Variants in CPEB3 observed in about 807,000 individuals in gnomAD.
CPEB3 encodes the protein cytoplasmic polyadenylation element binding protein 3, also known as cytoplasmic polyadenylation element-binding protein 3.
In CPEB3, 20 loss-of-function variants were observed where a neutral mutation model predicts 67.2. That is an observed-to-expected ratio of 0.30 (90% CI 0.21 to 0.43). The LOEUF is 0.43. Ranked by LOEUF, CPEB3 falls within the 20% of genes least tolerant of loss-of-function variation. The pLI, the probability that CPEB3 is intolerant of heterozygous loss-of-function variation, is 1.00. For missense variants in CPEB3, 746 were observed against 968.6 expected, an observed-to-expected ratio of 0.77 and a Z score of 3.05; for synonymous variants, 376 against 393.1, an observed-to-expected ratio of 0.96 and a Z score of 0.51.
At chr10:92,242,163 C>A (rs574355148) in intron 1 of CPEB3, among the ~76,000 whole-genome samples, 2 of 152,268 alleles carry the variant, frequency 1.3e-5, no homozygotes, top group African/African-American at 2.4e-5. Flanking sequence ...AAGTTTCATA[C>A]ACAAAATAGT....
chr10:92,128,296 T>TA (rs1554893005), intron 6 of CPEB3, among the ~76,000 whole-genome samples: 1 of 152,146 alleles, frequency 6.6e-6, no homozygotes, highest in Non-Finnish European at 1.5e-5. Flanking sequence ...ACACATACAG[T>TA]ATAGTAACAC....
At chr10:92,213,051 T>TAC (rs1850173507) in intron 2 of CPEB3, among the ~76,000 whole-genome samples, 1 of 152,224 alleles carries the variant, frequency 6.6e-6, no homozygotes, top group South Asian at 2.1e-4. Context: ...TAACTCTGCT[T>TAC]AAATTCCTGC....
At chr10:92,284,928 C>A (rs922162348) in intron 1 of CPEB3, among the ~76,000 whole-genome samples, 1 of 152,156 alleles carries the variant, frequency 6.6e-6, no homozygotes, top group Non-Finnish European at 1.5e-5. Flanking sequence ...CCATTTTATG[C>A]TTCTATAACA....
chr10:92,190,665 C>CAAAAAAAAAAAAAAAAAA (rs780757034), intron 3 of CPEB3, among the ~76,000 whole-genome samples: 1 of 78,394 alleles, frequency 1.3e-5, no homozygotes, highest in African/African-American at 5.2e-5. Context: ...AACTCCATCT[C>CAAAAAAAAAAAAAAAAAA]AAAAAAAAAA....
At chr10:92,063,293 C>T (rs959397653) in intron 9 of CPEB3, among the ~76,000 whole-genome samples, 1 of 152,110 alleles carries the variant, frequency 6.6e-6, no homozygotes, top group African/African-American at 2.4e-5. Flanking sequence ...CTAGGGAGAC[C>T]GTAAACTATT....
rs536035370 is a variant in CPEB3 at position 92,243,948 on chromosome 10, T to C, written c.-11-3587A>G. Among the ~76,000 whole-genome samples, 27 of 152,332 alleles carry C rather than the reference T, an allele frequency of 1.8e-4. No homozygotes were observed. The East Asian group carries it at 5.2e-3, about 29-fold the overall frequency. ...TCTGAACCAACTCACCTCCTTATTT[T>C]TACTTGTCAAAATAAAAGTTCACCT... is the stretch of plus-strand genomic sequence containing the variant. On this transcript the variant is annotated intron_variant, in intron 1 of 9. Coordinates refer to ENST00000265997, the MANE Select transcript of CPEB3 (RefSeq NM_014912.5).
At chr10:92,127,067 T>C (rs976053613) in intron 6 of CPEB3, among the ~76,000 whole-genome samples, 4 of 152,126 alleles carry the variant, frequency 2.6e-5, no homozygotes, top group Admixed American at 6.5e-5. Context: ...AAAACTTACA[T>C]TGCAGTCTGG....
intron 2 of CPEB3, among the ~76,000 whole-genome samples, chr10:92,222,554 A>T (rs1160221369): frequency 6.6e-6 from 1 of 152,178 alleles, no homozygotes; most frequent in African/African-American, 2.4e-5. Flanking sequence ...GAAAAAGAGA[A>T]ATTTTAAGAG....
intron 1 of CPEB3, among the ~76,000 whole-genome samples, chr10:92,276,348 G>A (rs1374904920): frequency 3.4e-5 from 5 of 146,570 alleles, no homozygotes; most frequent in African/African-American, 5.0e-5. Flanking sequence ...GCACGATCTC[G>A]GGTCACTGCA....
chr10:92,212,802 G>A (rs1469086899), intron 2 of CPEB3, among the ~76,000 whole-genome samples: 1 of 151,958 alleles, frequency 6.6e-6, no homozygotes, highest in African/African-American at 2.4e-5. Flanking sequence ...AAGCATGGTG[G>A]CTCACACCTA....
At chr10:92,125,645 GCTAT>G (rs1845577958) in intron 6 of CPEB3, among the ~76,000 whole-genome samples, 1 of 152,040 alleles carries the variant, frequency 6.6e-6, no homozygotes, top group South Asian at 2.1e-4. Flanking sequence ...GGGAGGTTAT[GCTAT>G]CTATCATCAA....
At chr10:92,179,978 G>C (rs761155273) in intron 4 of CPEB3, among the ~76,000 whole-genome samples, 1 of 152,160 alleles carries the variant, frequency 6.6e-6, no homozygotes, top group Non-Finnish European at 1.5e-5. Flanking sequence ...GTATATCTGG[G>C]AAGATGAGAG....
chr10:92,110,328 C>T (rs1014746388), intron 7 of CPEB3, among the ~76,000 whole-genome samples: 4 of 152,196 alleles, frequency 2.6e-5, no homozygotes, highest in Non-Finnish European at 4.4e-5. Flanking sequence ...CAAGCCTTGA[C>T]ACACAAACTC....
chr10:92,250,858 A>ATTTTTTTT (rs1211646953), intron 1 of CPEB3, among the ~76,000 whole-genome samples: 35 of 104,128 alleles, frequency 3.4e-4, no homozygotes, highest in Admixed American at 5.5e-4. Context: ...CACACAGTTA[A>ATTTTTTTT]TTTTTTTTTT....
At chr10:92,091,064 A>C (rs1273290991) in intron 8 of CPEB3, among the ~76,000 whole-genome samples, 1 of 152,230 alleles carries the variant, frequency 6.6e-6, no homozygotes, top group African/African-American at 2.4e-5. Context: ...AATACAGCTA[A>C]ATAACGTTAG....
At chr10:92,277,877 C>A (rs762902284) in intron 1 of CPEB3, among the ~76,000 whole-genome samples, 1 of 150,880 alleles carries the variant, frequency 6.6e-6, no homozygotes, top group Non-Finnish European at 1.5e-5. Flanking sequence ...GGGGACAGAG[C>A]AAGACTCTGT....
At chr10:92,225,408 A>G (rs1850921205) in intron 2 of CPEB3, among the ~76,000 whole-genome samples, 1 of 152,162 alleles carries the variant, frequency 6.6e-6, no homozygotes. Flanking sequence ...ATGGTAGCAC[A>G]TGCTTATAGT....
Position 92,181,039 on chromosome 10 carries a change from T to A in CPEB3, c.1166-20A>T. 7.3e-7 allele frequency: 1 copy of A among 1,368,650 alleles called. No individual in the cohort carries two copies. The highest frequency in any genetic ancestry group is 1.2e-5 in the South Asian group (1 of 84,616). 84.8% of individuals were successfully genotyped at this position (1,368,650 alleles called of 1,614,324 possible). On this transcript the variant is annotated intron_variant, in intron 3 of 9. Transcript: ENST00000265997. ...TGCGTCCTAAAAAATAAAATAATTT[T>A]AAGCAAAAAGAATGTTTAATGTAAT...
intron 8 of CPEB3, among the ~76,000 whole-genome samples, chr10:92,085,127 A>G (rs1236999657): frequency 6.6e-6 from 1 of 152,194 alleles, no homozygotes; most frequent in Non-Finnish European, 1.5e-5. Flanking sequence ...CTTAACATTT[A>G]ACCTGAGGAA....
Sources: gnomAD v4.1 joint callset for allele counts (sites outside exome capture counted in the v4.1 genomes callset) on GRCh38, gnomAD v4.1.1 for gene constraint, MANE v1.5 for transcripts, NCBI Gene and HGNC (gene_info 2026-07-23, HGNC 2026-07-21) for gene names.